The following DUSP16 variants were observed in gnomAD, a reference collection of about 807,000 sequenced individuals.
DUSP16 encodes the protein dual specificity phosphatase 16.
Under a neutral mutation model 58.3 loss-of-function variants are expected in DUSP16, and 21 were observed. That is an observed-to-expected ratio of 0.36 (90% confidence interval 0.26 to 0.52). The LOEUF is 0.52. Among genes scored for constraint, DUSP16 ranks in the 20% least tolerant of loss-of-function variants. The probability of loss-of-function intolerance (pLI) is 0.94; values close to 1 mark genes in which losing one functional copy is unlikely to be tolerated. For missense variants in DUSP16, 726 were observed against 819.0 expected (o/e 0.89, Z 1.39); for synonymous variants, 320 against 323.8 (o/e 0.99, Z 0.12).
chr12:12,512,505 G>A (rs185779339), intron 3 of DUSP16, among the ~76,000 whole-genome samples: 2 of 152,194 alleles, frequency 1.3e-5, no homozygotes, highest in Non-Finnish European at 2.9e-5. Flanking sequence ...CCAGCCCCTG[G>A]TAACCACCGT....
At chr12:12,522,623 G>A (rs571702059) in intron 1 of DUSP16, among the ~76,000 whole-genome samples, 1 of 151,646 alleles carries the variant, frequency 6.6e-6, no homozygotes, top group African/African-American at 2.4e-5. Context: ...CAGTGCAGTA[G>A]CACAATCTCA....
chr12:12,483,564 G>A (rs1000328159), intron 5 of DUSP16, among the ~76,000 whole-genome samples: 12 of 152,026 alleles, frequency 7.9e-5, no homozygotes, highest in Non-Finnish European at 1.5e-4. Flanking sequence ...CTCAAATACA[G>A]ACAGTTTGCC....
At chr12:12,530,091 G>A (rs747655808) in intron 1 of DUSP16, among the ~76,000 whole-genome samples, 2 of 152,136 alleles carry the variant, frequency 1.3e-5, no homozygotes, top group South Asian at 2.1e-4. Flanking sequence ...AACCTCCATA[G>A]TGTTTTCCAT....
intron 1 of DUSP16, among the ~76,000 whole-genome samples, chr12:12,546,386 A>G (rs1463235177): frequency 6.6e-6 from 1 of 152,242 alleles, no homozygotes; most frequent in Non-Finnish European, 1.5e-5. Flanking sequence ...GCTACCAAAT[A>G]TATTTCAATC....
intron 1 of DUSP16, among the ~76,000 whole-genome samples, chr12:12,527,329 C>T (rs1944320978): frequency 6.6e-6 from 1 of 151,814 alleles, no homozygotes; most frequent in Non-Finnish European, 1.5e-5. Flanking sequence ...TGCAAGCAAA[C>T]AAGAACTCCT....
rs778782615 is a variant in DUSP16 at position 12,477,051 on chromosome 12, C to T, written c.1780G>A (p.Val594Ile). ...CSQLPTCGDQ[V>I]YSVRRRQKPS... ...TTCTGCCGCCTGCGCACAGAATAGA[C>T]TTGGTCTCCGCAAGTGGGCAGCTGG... is the stretch of plus-strand genomic sequence containing the variant. Residue 594 changes from valine (V) to isoleucine (I), a missense_variant, in exon 7 of 7, where the codon GTC becomes ATC. Val to Ile is a conservative substitution (Grantham distance 29, BLOSUM62 3). Transcript: ENST00000298573. This position sits in a 1 kb window ranked among gnomAD's most constrained non-coding sequence, Gnocchi z 4.1. 3.2e-5 allele frequency: 51 copies of T among 1,614,146 alleles called. No homozygotes were observed. The East Asian group carries it at 1.1e-3, about 35-fold the overall frequency.
At chr12:12,479,915 A>C (rs1347438862) in intron 6 of DUSP16, among the ~76,000 whole-genome samples, 1 of 152,248 alleles carries the variant, frequency 6.6e-6, no homozygotes, top group Non-Finnish European at 1.5e-5. Context: ...AACAAAGGAT[A>C]CTTTTGCATT....
intron 4 of DUSP16, 91 bp from the exon 5 acceptor site, chr12:12,487,278 T>C: frequency 7.2e-7 from 1 of 1,385,976 alleles, no homozygotes; most frequent in Non-Finnish European, 9.9e-7. Flanking sequence ...ATGATAAAAA[T>C]GCCCAGTTTC....
intron 1 of DUSP16, among the ~76,000 whole-genome samples, chr12:12,538,760 G>A (rs1944508067): frequency 6.6e-6 from 1 of 152,194 alleles, no homozygotes; most frequent in Admixed American, 6.5e-5. Context: ...CTCTAGTGAA[G>A]GGGGAGGAAC....
intron 1 of DUSP16, among the ~76,000 whole-genome samples, chr12:12,552,023 A>G (rs1944735699): frequency 6.6e-6 from 1 of 152,154 alleles, no homozygotes; most frequent in African/African-American, 2.4e-5. Flanking sequence ...TTGAATGATC[A>G]ATGTATGCAG....
At chr12:12,528,776 TCAA>T (rs1204594052) in intron 1 of DUSP16, among the ~76,000 whole-genome samples, 7 of 152,116 alleles carry the variant, frequency 4.6e-5, no homozygotes, top group Non-Finnish European at 8.8e-5. Flanking sequence ...GGGGACACGA[TCAA>T]CAACAAAAAC....
intron 1 of DUSP16, among the ~76,000 whole-genome samples, chr12:12,531,699 C>T (rs1350049596): frequency 1.3e-5 from 2 of 151,948 alleles, no homozygotes; most frequent in African/African-American, 2.4e-5. Context: ...GGCGAAACCC[C>T]GTCTCTACTA....
At chr12:12,496,898 T>A (rs1434672939) in intron 4 of DUSP16, among the ~76,000 whole-genome samples, 1 of 152,242 alleles carries the variant, frequency 6.6e-6, no homozygotes, top group Non-Finnish European at 1.5e-5. Flanking sequence ...TTGGTACCGA[T>A]GACCTCTTAT....
chr12:12,485,922 C>G (rs555739578), intron 5 of DUSP16, among the ~76,000 whole-genome samples: 26 of 151,270 alleles, frequency 1.7e-4, no homozygotes, highest in African/African-American at 6.3e-4. Context: ...GCCTCCCGAG[C>G]AGCTGGGACT....
rs985931376 is a variant in DUSP16 at position 12,474,597 on chromosome 12, A to G, written c.*2236T>C. 1 of 152,310 alleles carries G rather than the reference A, an allele frequency of 6.6e-6. No individual in the cohort carries two copies. The highest frequency in any genetic ancestry group is 2.4e-5 in the African/African-American group (1 of 41,448). The allele number at this position is 152,310 out of a possible 1,614,324, so 9.4% of individuals were successfully genotyped here. On this transcript the variant is annotated 3_prime_UTR_variant, in exon 7 of 7. Coordinates refer to ENST00000298573, the MANE Select transcript of DUSP16 (RefSeq NM_030640.3). ...TCGCCACGGCAGTCTCGATTCCAAG[A>G]ACTGATTATCTGACACTAGTGAACC...
chr12:12,560,687 T>C (rs2136278190), intron 1 of DUSP16: 1 of 152,318 alleles, frequency 6.6e-6, no homozygotes, highest in Non-Finnish European at 1.5e-5. Context: ...TCCACCAATA[T>C]ATGTGATACT....
At position 12,521,036 on chromosome 12, in the gene DUSP16, A is replaced by G. The variant is rs1370604483; in HGVS notation, c.63T>C (p.Ser21=). 4 of 1,614,144 alleles carry G rather than the reference A, an allele frequency of 2.5e-6. No homozygotes were observed. Among genetic ancestry groups the G allele is most frequent in the South Asian group, 1.1e-5 (1 of 91,088 alleles). The change falls in exon 2 of 7, where the codon AGT becomes AGC. Residue 21 remains serine (S), a synonymous_variant. Coordinates refer to ENST00000298573, the MANE Select transcript of DUSP16 (RefSeq NM_030640.3). The stretch of plus-strand genomic sequence containing the variant: ...CAATTAGCAGCACTTTTTCCGTTCC[A>G]CTTTCCAGCAGAGCCACCAACCTCT... ...VTERLVALLE[S]GTEKVLLIDS...
chr12:12,532,212 C>G (rs1944400429), intron 1 of DUSP16, among the ~76,000 whole-genome samples: 1 of 152,036 alleles, frequency 6.6e-6, no homozygotes, highest in Admixed American at 6.5e-5. Flanking sequence ...CTTTATCTTT[C>G]AGTTAAAATA....
chr12:12,562,060 C>T (rs1944912445), intron 1 of DUSP16, 57 bp downstream of exon 1: 1 of 150,414 alleles, frequency 6.6e-6, no homozygotes, highest in African/African-American at 2.4e-5. Context: ...GGGAGGGCGC[C>T]CCGGGCCCCG....
Sources: gnomAD v4.1 joint callset for allele counts (sites outside exome capture counted in the v4.1 genomes callset) on GRCh38, gnomAD v4.1.1 for gene constraint, Gnocchi (gnomAD v3.1) non-coding constraint, MANE v1.5 for transcripts, NCBI Gene and HGNC (gene_info 2026-07-23, HGNC 2026-07-21) for gene names.